Variants in BMPR1B observed in about 807,000 individuals in gnomAD.
The protein encoded by BMPR1B is bone morphogenetic protein receptor type-1B.
In BMPR1B, 12 loss-of-function variants were observed where a neutral mutation model predicts 59.1. The ratio of observed to expected loss-of-function variants is 0.20; its 90% CI spans 0.13 to 0.33. The LOEUF is 0.33. Among genes scored for constraint, BMPR1B ranks in the 10% least tolerant of loss-of-function variants. The probability of loss-of-function intolerance (pLI) is 1.00; values close to 1 mark genes in which losing one functional copy is unlikely to be tolerated. For missense variants in BMPR1B, 550 were observed against 610.9 expected, an observed-to-expected ratio of 0.90 and a Z score of 1.05; for synonymous variants, 237 against 207.3, an observed-to-expected ratio of 1.14 and a Z score of -1.23.
chr4:95,063,703 A>G (rs1185297025), intron 3 of BMPR1B, among the ~76,000 whole-genome samples: 1 of 152,196 alleles, frequency 6.6e-6, no homozygotes, highest in African/African-American at 2.4e-5. Flanking sequence ...TAAATAAAAC[A>G]AACTACAGAC....
chr4:95,028,142 T>A (rs1027661846), intron 3 of BMPR1B, among the ~76,000 whole-genome samples: 1 of 152,186 alleles, frequency 6.6e-6, no homozygotes, highest in African/African-American at 2.4e-5. Context: ...GGTGTCATTT[T>A]GAAGGAGGGT....
chr4:94,981,097 A>G (rs1721052561), intron 2 of BMPR1B, among the ~76,000 whole-genome samples: 1 of 152,144 alleles, frequency 6.6e-6, no homozygotes, highest in Non-Finnish European at 1.5e-5. Flanking sequence ...AAATTTGTCT[A>G]CTACCTTGAA....
At chr4:95,046,565 T>TCTA (rs1726075741) in intron 3 of BMPR1B, among the ~76,000 whole-genome samples, 1 of 152,172 alleles carries the variant, frequency 6.6e-6, no homozygotes, top group Non-Finnish European at 1.5e-5. Flanking sequence ...ATAGGCCCTT[T>TCTA]CTACTGTACA....
chr4:94,852,518 G>A lies in BMPR1B; in HGVS notation c.-182-23313G>A, dbSNP rs1859155. On this transcript the variant is annotated intron_variant, in intron 1 of 12. Coordinates refer to ENST00000515059, the MANE Select transcript of BMPR1B (RefSeq NM_001203.3). ...GATGTTGCTTTTTCTAGTTCCAAAT[G>A]GTTGTCATGGTAACAAAAGTACATT... Among the ~76,000 whole-genome samples, 113 of 152,094 alleles carry A rather than the reference G, an allele frequency of 7.4e-4. 1 individual carries two copies. In the South Asian group the frequency reaches 0.012, roughly 16 times the overall value.
chr4:94,821,145 T>A (rs1724192221), intron 1 of BMPR1B, among the ~76,000 whole-genome samples: 1 of 152,240 alleles, frequency 6.6e-6, no homozygotes, highest in South Asian at 2.1e-4. Context: ...GAGACTTATT[T>A]ATGTGTTACA....
rs372266938 is a variant in BMPR1B, at chr4:94,999,159, G to A, written c.-18+3025G>A. ...TATGTTTTTGTTTCTGCCTGAGACTGTAATCTATTTATGGCCAGATTTTTA... is the reference window on the plus strand; with the variant it reads ...TATGTTTTTGTTTCTGCCTGAGACTATAATCTATTTATGGCCAGATTTTTA... On this transcript the variant is annotated intron_variant, in intron 3 of 12. Coordinates refer to ENST00000515059, the MANE Select transcript of BMPR1B (RefSeq NM_001203.3). 6.6e-5 allele frequency among the ~76,000 whole-genome samples: 10 copies of A among 152,154 alleles called. No homozygotes were observed. In the South Asian group the frequency reaches 2.1e-3, roughly 32 times the overall value.
chr4:94,905,015 G>T (rs187601969), intron 2 of BMPR1B, among the ~76,000 whole-genome samples: 22 of 152,036 alleles, frequency 1.4e-4, no homozygotes, highest in Middle Eastern at 3.4e-3. Flanking sequence ...TCTATTTTTG[G>T]CAAACACCAT....
chr4:94,842,989 G>A (rs917390231), intron 1 of BMPR1B, among the ~76,000 whole-genome samples: 3 of 151,868 alleles, frequency 2.0e-5, no homozygotes, highest in African/African-American at 7.3e-5. Flanking sequence ...CATGAAACAG[G>A]GATCATAAAA....
intron 1 of BMPR1B, among the ~76,000 whole-genome samples, chr4:94,806,229 A>G (rs1157213107): frequency 6.6e-6 from 1 of 152,172 alleles, no homozygotes; most frequent in Non-Finnish European, 1.5e-5. Flanking sequence ...GGCTGAGTCT[A>G]CAGTATTTAG....
Position 95,123,885 on chromosome 4 carries a change from T to C in BMPR1B, c.425T>C (p.Ile142Thr). 1 of 1,611,442 alleles carries C rather than the reference T, an allele frequency of 6.2e-7. No homozygotes were observed. The highest frequency in any genetic ancestry group is 8.5e-7 in the Non-Finnish European group (1 of 1,178,594). ...VTVCSLLLVL[I>T]ILFCYFRYKR... ...GTCTGTAGTTTGCTCTTGGTCCTTATCATATTATTTTGTTACTTCCGGTAA... is the reference window on the plus strand; with the variant it reads ...GTCTGTAGTTTGCTCTTGGTCCTTACCATATTATTTTGTTACTTCCGGTAA... The change falls in exon 7 of 13, where the codon ATC becomes ACC. Residue 142 changes from isoleucine (I) to threonine (T), a missense_variant. This residue lies in a region of BMPR1B where 318 missense variants were observed against 284.6 expected (regional missense o/e 1.12). Coordinates refer to ENST00000515059, the MANE Select transcript of BMPR1B (RefSeq NM_001203.3).
chr4:95,113,139 T>C (rs956373740), intron 4 of BMPR1B, among the ~76,000 whole-genome samples: 2 of 152,140 alleles, frequency 1.3e-5, no homozygotes, highest in Non-Finnish European at 2.9e-5. Flanking sequence ...ATTTTAATTA[T>C]TCCCTTCGGT....
At chr4:95,023,584 G>T (rs1724142883) in intron 3 of BMPR1B, among the ~76,000 whole-genome samples, 1 of 151,410 alleles carries the variant, frequency 6.6e-6, no homozygotes, top group Admixed American at 6.6e-5. Flanking sequence ...ATGAAGTCTT[G>T]CCATGTTGCC....
intron 3 of BMPR1B, among the ~76,000 whole-genome samples, chr4:95,039,748 C>A (rs1725518369): frequency 6.6e-6 from 1 of 152,100 alleles, no homozygotes; most frequent in Admixed American, 6.5e-5. Flanking sequence ...TTTCTTAAAA[C>A]ATTATGAGAT....
chr4:95,136,117 T>C (rs1376143051), intron 10 of BMPR1B, among the ~76,000 whole-genome samples: 2 of 152,198 alleles, frequency 1.3e-5, no homozygotes, highest in Non-Finnish European at 2.9e-5. Flanking sequence ...TCTATTGAGA[T>C]GATCATGTGG....
chr4:94,910,031 C>T (rs1012976211), intron 2 of BMPR1B, among the ~76,000 whole-genome samples: 9 of 151,606 alleles, frequency 5.9e-5, no homozygotes, highest in African/African-American at 9.7e-5. Context: ...TTTAAAAGAG[C>T]GAGACTCCGT....
At chr4:95,021,876 G>A (rs533158808) in intron 3 of BMPR1B, among the ~76,000 whole-genome samples, 1 of 152,144 alleles carries the variant, frequency 6.6e-6, no homozygotes, top group East Asian at 1.9e-4. Flanking sequence ...GGCAAAGCAC[G>A]TTCTATCTAA....
At chr4:95,035,542 T>C (rs1197247750) in intron 3 of BMPR1B, among the ~76,000 whole-genome samples, 3 of 152,150 alleles carry the variant, frequency 2.0e-5, no homozygotes, top group African/African-American at 7.2e-5. Context: ...GGGTGTTCTT[T>C]CCCCCACTTT....
intron 2 of BMPR1B, among the ~76,000 whole-genome samples, chr4:94,972,927 T>C (rs1730871658): frequency 6.6e-6 from 1 of 151,654 alleles, no homozygotes; most frequent in African/African-American, 2.4e-5. Flanking sequence ...TGAGAGGGAG[T>C]GTGTGAGCAA....
chr4:95,032,745 C>T (rs1724968835), intron 3 of BMPR1B, among the ~76,000 whole-genome samples: 1 of 152,068 alleles, frequency 6.6e-6, no homozygotes, highest in African/African-American at 2.4e-5. Flanking sequence ...TAGTGTAGAC[C>T]ACATTTCATT....
Sources: allele counts gnomAD v4.1 joint callset (sites outside exome capture counted in the v4.1 genomes callset), GRCh38; gene constraint gnomAD v4.1.1; regional missense constraint gnomAD v4.1.1; transcripts MANE v1.5; gene names NCBI Gene and HGNC (gene_info 2026-07-23, HGNC 2026-07-21).